The following CRB1 variants were observed in gnomAD, a reference collection of about 807,000 sequenced individuals.
CRB1 encodes protein crumbs homolog 1.
In CRB1, 83 loss-of-function variants were observed where a neutral mutation model predicts 120.0. The ratio of observed to expected loss-of-function variants is 0.69; its 90% CI spans 0.58 to 0.83. CRB1 has a LOEUF of 0.83. Ranked by LOEUF, CRB1 falls within the 40% of genes least tolerant of loss-of-function variation. The pLI is 0.00. For missense variants in CRB1, 1,699 were observed against 1,687.6 expected (o/e 1.01, Z -0.12); for synonymous variants, 625 against 612.5 (o/e 1.02, Z -0.30).
In CRB1 at chr1:197,427,556, G is replaced by T; in HGVS notation, c.2231G>T (p.Arg744Leu). Residue 744 changes from arginine (R) to leucine (L), a missense_variant, in exon 7 of 12, where the codon CGA (arginine) becomes CTA (leucine). Coordinates refer to ENST00000367400, the MANE Select transcript of CRB1 (RefSeq NM_201253.3). Reference protein sequence around the residue: ...GDTISLSMFVRTLQPSGLLLA... With the variant: ...GDTISLSMFVLTLQPSGLLLA... ...ACCATCAGCCTCTCCATGTTTGTCC[G>T]AACGCTTCAACCATCAGGCTTACTT... The T allele has an allele frequency of 6.2e-7, 1 of 1,613,744 alleles. No homozygotes were observed. The highest frequency in any genetic ancestry group is 8.5e-7 in the Non-Finnish European group (1 of 1,179,908).
the CRB1 span, among the ~76,000 whole-genome samples, chr1:197,251,845 G>T: frequency 6.6e-6 from 1 of 152,012 alleles, no homozygotes; most frequent in Non-Finnish European, 1.5e-5. Context: ...GTGTTAAGTA[G>T]AAGAAGGAGA....
intron 5 of CRB1, among the ~76,000 whole-genome samples, chr1:197,381,662 C>T (rs1047930543): frequency 6.6e-6 from 1 of 152,182 alleles, no homozygotes; most frequent in Non-Finnish European, 1.5e-5. Context: ...CAAGAGGTTA[C>T]ACATGCAGCC....
intron 1 of CRB1, among the ~76,000 whole-genome samples, chr1:197,302,986 G>T (rs899251393): frequency 5.9e-5 from 9 of 152,128 alleles, no homozygotes; most frequent in African/African-American, 2.2e-4. Flanking sequence ...CATCTTTAAT[G>T]AAGCTGCACT....
rs188266214 is a variant in CRB1 at position 197,374,357 on chromosome 1, C to T, written c.1171+17344C>T. Reference sequence around the variant, plus strand: ...AAAAGGCTTGGTCCTTTCTAAGGGGCTGGTGACCAAGTGCCAGAGCTGCTT... The same window carrying T: ...AAAAGGCTTGGTCCTTTCTAAGGGGTTGGTGACCAAGTGCCAGAGCTGCTT... On this transcript the variant is annotated intron_variant, in intron 5 of 11. Transcript: ENST00000367400. Among the ~76,000 whole-genome samples, 120 of 152,192 alleles carry T rather than the reference C, an allele frequency of 7.9e-4. 1 individual carries two copies. Among genetic ancestry groups the T allele is most frequent in the Admixed American group, 4.1e-3 (62 of 15,284 alleles).
At chr1:197,308,034 A>G (rs933730938) in intron 1 of CRB1, among the ~76,000 whole-genome samples, 16 of 152,212 alleles carry the variant, frequency 1.1e-4, no homozygotes, top group Admixed American at 2.0e-4. Context: ...ACATGGAATC[A>G]ATCCAAGTAC....
intron 1 of CRB1, among the ~76,000 whole-genome samples, chr1:197,297,393 G>A (rs1021342688): frequency 2.0e-5 from 3 of 152,040 alleles, no homozygotes; most frequent in African/African-American, 7.2e-5. Context: ...GAAAAGATGA[G>A]GAAGGATCCA....
chr1:197,443,231 T>G (rs935840017), intron 11 of CRB1: 1 of 152,030 alleles, frequency 6.6e-6, no homozygotes, highest in Non-Finnish European at 1.5e-5. Context: ...CTCTGATATA[T>G]GATTAAATAT....
chr1:197,464,136 A>G (rs969596136), intron 11 of CRB1, among the ~76,000 whole-genome samples: 1 of 152,142 alleles, frequency 6.6e-6, no homozygotes, highest in Admixed American at 6.5e-5. Context: ...TCGCTTGTCA[A>G]AGTTGTAGCT....
At chr1:197,242,292 A>G in the CRB1 span, among the ~76,000 whole-genome samples, 4 of 152,204 alleles carry the variant, frequency 2.6e-5, no homozygotes, top group African/African-American at 9.7e-5. Flanking sequence ...TTGCCCATTC[A>G]GTATGATATT....
At chr1:197,414,084 C>A in intron 5 of CRB1, 2 of 284,998 alleles carry the variant, frequency 7.0e-6, no homozygotes, top group Non-Finnish European at 1.5e-5. Flanking sequence ...TTGTTTAATG[C>A]TATAACAGAT....
At chr1:197,278,363 A>G (rs753758991) in intron 1 of CRB1, among the ~76,000 whole-genome samples, 4 of 151,946 alleles carry the variant, frequency 2.6e-5, no homozygotes, top group Non-Finnish European at 5.9e-5. Flanking sequence ...AGGACTTTCC[A>G]GTCTCCAAAA....
chr1:197,363,858 A>G (rs1660915438), intron 5 of CRB1: 1 of 881,662 alleles, frequency 1.1e-6, no homozygotes, highest in Non-Finnish European at 1.9e-6. Flanking sequence ...CTGTGATGGT[A>G]TAGGAAGGGA....
Position 197,442,198 on chromosome 1 carries a change from A to G in CRB1, c.3911A>G (p.Asp1304Gly). 6.2e-7 allele frequency: 1 copy of G among 1,613,876 alleles called. No homozygotes were observed. The highest frequency in any genetic ancestry group is 8.5e-7 in the Non-Finnish European group (1 of 1,180,030). The change falls in exon 11 of 12, where the codon GAT becomes GGT. Residue 1304 changes from aspartate to glycine, a missense_variant. Transcript: ENST00000367400. The part of the protein sequence containing the change: ...CEKDIDECAS[D>G]PCVNGGLCQD... ...AAGGACATTGATGAGTGTGCCTCTG[A>G]TCCGTGTGTCAATGGAGGTCTGTGC...
At chr1:197,292,943 A>G (rs1286268097) in intron 1 of CRB1, among the ~76,000 whole-genome samples, 1 of 152,156 alleles carries the variant, frequency 6.6e-6, no homozygotes, top group Non-Finnish European at 1.5e-5. Context: ...TGACAAACCC[A>G]CAGCCAATAT....
At position 197,477,978 on chromosome 1, in the gene CRB1, G is replaced by T. The variant is rs1429931885; in HGVS notation, c.*99G>T. ...TACCTGACAATGTTAATCTGCAACT[G>T]GGATTACACTGGAACTACAGGAATG... On this transcript the variant is annotated 3_prime_UTR_variant, in exon 12 of 12. Coordinates refer to ENST00000367400, the MANE Select transcript of CRB1 (RefSeq NM_201253.3). 5.8e-5 allele frequency: 69 copies of T among 1,185,974 alleles called. No individual in the cohort carries two copies. The East Asian group carries it at 1.5e-3, about 26-fold the overall frequency. The allele number at this position is 1,185,974 out of a possible 1,614,324, so 73.5% of individuals were successfully genotyped here.
intron 5 of CRB1, among the ~76,000 whole-genome samples, chr1:197,404,995 A>T: frequency 6.6e-6 from 1 of 152,152 alleles, no homozygotes; most frequent in East Asian, 1.9e-4. Context: ...TGAGCTGCAC[A>T]CCATACCTAC....
intron 2 of CRB1, among the ~76,000 whole-genome samples, chr1:197,331,733 C>A (rs1658866201): frequency 6.6e-6 from 1 of 152,070 alleles, no homozygotes; most frequent in Admixed American, 6.6e-5. Context: ...ATGTTTCATT[C>A]ATTTCAACTA....
the CRB1 span, among the ~76,000 whole-genome samples, chr1:197,260,039 G>T: frequency 5.9e-5 from 9 of 151,850 alleles, no homozygotes; most frequent in Middle Eastern, 3.4e-3. Context: ...TGTAATCCCA[G>T]GTACTCCAGA....
chr1:197,348,879 A>G (rs886857204), intron 4 of CRB1, among the ~76,000 whole-genome samples: 3 of 149,230 alleles, frequency 2.0e-5, no homozygotes, highest in Admixed American at 1.3e-4. Context: ...ATAAAGTAAA[A>G]AAGTTCTAGT....
Sources: allele counts gnomAD v4.1 joint callset (sites outside exome capture counted in the v4.1 genomes callset), GRCh38; gene constraint gnomAD v4.1.1; transcripts MANE v1.5; gene names NCBI Gene and HGNC (gene_info 2026-07-23, HGNC 2026-07-21).